TANC1: variants seen among roughly 807,000 people sequenced by gnomAD.
TANC1 encodes protein TANC1.
TANC1 carries 77 observed loss-of-function variants against 149.7 expected under a neutral mutation model. That is an observed-to-expected ratio of 0.51 (90% CI 0.43 to 0.62). The LOEUF is 0.62. TANC1 is among the 20% of genes least tolerant of loss of function. TANC1 has a pLI of 0.00. For missense variants in TANC1, 1,985 were observed against 2,321.8 expected (o/e 0.85, Z 2.98); for synonymous variants, 854 against 925.0 (o/e 0.92, Z 1.39).
At chr2:158,989,961 G>T (rs1336483002) in intron 1 of TANC1, among the ~76,000 whole-genome samples, 7 of 151,756 alleles carry the variant, frequency 4.6e-5, no homozygotes, top group Non-Finnish European at 2.9e-5. Context: ...TGTCACAGGG[G>T]CTGGTGTGCA....
chr2:159,211,901 G>A (rs1559467395), intron 19 of TANC1, among the ~76,000 whole-genome samples: 1 of 152,226 alleles, frequency 6.6e-6, no homozygotes. Context: ...CATAGCAAGG[G>A]TTGTGAAGGA....
chr2:158,976,877 T>C (rs968838838), intron 1 of TANC1, among the ~76,000 whole-genome samples: 32 of 152,222 alleles, frequency 2.1e-4, no homozygotes, highest in African/African-American at 7.7e-4. Flanking sequence ...TGAGACTCCG[T>C]CTTGAAAAAC....
chr2:159,039,390 C>T (rs1428736415), intron 2 of TANC1, among the ~76,000 whole-genome samples: 2 of 152,092 alleles, frequency 1.3e-5, no homozygotes, highest in African/African-American at 4.8e-5. Context: ...TTGCCTTCTG[C>T]TAGCTTTTGA....
intron 1 of TANC1, among the ~76,000 whole-genome samples, chr2:158,970,289 A>C (rs1405097792): frequency 6.6e-6 from 1 of 152,082 alleles, no homozygotes; most frequent in Non-Finnish European, 1.5e-5. Flanking sequence ...GGTCATCTTT[A>C]TTCCTGCCAG....
At chr2:159,068,604 G>A (rs1574446235) in intron 3 of TANC1, among the ~76,000 whole-genome samples, 1 of 152,226 alleles carries the variant, frequency 6.6e-6, no homozygotes, top group East Asian at 1.9e-4. Flanking sequence ...GCGTTGAACA[G>A]TTGTTATTCC....
chr2:159,124,463 G>C (rs1284667007), intron 4 of TANC1, among the ~76,000 whole-genome samples: 1 of 152,170 alleles, frequency 6.6e-6, no homozygotes, highest in African/African-American at 2.4e-5. Flanking sequence ...CCAGGGGCTG[G>C]TCTGAACCCA....
rs540931669 is a variant in TANC1, at chr2:158,982,817, A to T, written c.-126+14035A>T. Among the ~76,000 whole-genome samples the T allele has an allele frequency of 5.9e-5, 9 of 152,110 alleles. No individual in the cohort carries two copies. In the South Asian group the frequency reaches 1.9e-3, roughly 32 times the overall value. Reference sequence around the variant, plus strand: ...TTTTATTTTTTTCTGTAGAGATAGGATCTGCTATGTCACCCAGGCTGGTCT... The same window carrying T: ...TTTTATTTTTTTCTGTAGAGATAGGTTCTGCTATGTCACCCAGGCTGGTCT... On this transcript the variant is annotated intron_variant, in intron 1 of 26. Coordinates refer to ENST00000263635, the MANE Select transcript of TANC1 (RefSeq NM_033394.3).
Position 159,150,460 on chromosome 2 carries a change from A to G in TANC1, c.586A>G (p.Asn196Asp). ...PSTDSPCSTL[N>D]SCVSKTAANK... is the part of the protein sequence containing the mutation. ...CACCGATAGCCCCTGCTCAACCTTGAATAGCTGTGTCAGCAAGACGGCAGC... is the reference window on the plus strand; with the variant it reads ...CACCGATAGCCCCTGCTCAACCTTGGATAGCTGTGTCAGCAAGACGGCAGC... Residue 196 changes from asparagine to aspartate, a missense_variant, in exon 7 of 27, where the codon AAT becomes GAT. Around this residue, in one of 3 missense-constraint regions of TANC1, gnomAD observed 557 missense variants for 612.9 expected, o/e 0.91. Coordinates refer to ENST00000263635, the MANE Select transcript of TANC1 (RefSeq NM_033394.3). 6.2e-7 allele frequency: 1 copy of G among 1,614,190 alleles called. No individual in the cohort carries two copies. Among genetic ancestry groups the G allele is most frequent in the Non-Finnish European group, 8.5e-7 (1 of 1,180,034 alleles).
chr2:159,070,626 A>C (rs900923404), intron 3 of TANC1, among the ~76,000 whole-genome samples: 8 of 152,336 alleles, frequency 5.3e-5, no homozygotes, highest in Middle Eastern at 3.4e-3. Context: ...AATCAAGGAC[A>C]ATTTGAAAAT....
At chr2:159,136,049 T>TGTGTGTGTGTGA in intron 4 of TANC1, 145 bp from the exon 5 acceptor site, 1 of 90,880 alleles carries the variant, frequency 1.1e-5, no homozygotes, top group African/African-American at 8.4e-5. Flanking sequence ...TGTGTGTGTG[T>TGTGTGTGTGTGA]GCGCGCGCGC....
At chr2:159,162,981 A>G (rs1253561810) in intron 7 of TANC1, among the ~76,000 whole-genome samples, 1 of 152,230 alleles carries the variant, frequency 6.6e-6, no homozygotes, top group Non-Finnish European at 1.5e-5. Flanking sequence ...AGGATACATT[A>G]TCTCCAGGTT....
At chr2:159,219,465 T>C in intron 21 of TANC1, 104 bp downstream of exon 21, 1 of 1,529,928 alleles carries the variant, frequency 6.5e-7, no homozygotes, top group African/African-American at 1.4e-5. Flanking sequence ...TTTCTGTTAA[T>C]GGAAATTTTC....
intron 1 of TANC1, among the ~76,000 whole-genome samples, chr2:158,996,732 C>T (rs1347130498): frequency 3.3e-5 from 5 of 152,180 alleles, no homozygotes; most frequent in East Asian, 1.9e-4. Context: ...TAATTTACTT[C>T]GTGGTCCAGA....
At chr2:159,208,748 A>G (rs556234525) in intron 19 of TANC1, among the ~76,000 whole-genome samples, 1 of 152,316 alleles carries the variant, frequency 6.6e-6, no homozygotes, top group South Asian at 2.1e-4. Context: ...ATGGGAAACA[A>G]TAAGGAAGGT....
intron 3 of TANC1, among the ~76,000 whole-genome samples, chr2:159,080,827 A>G (rs944641286): frequency 2.6e-5 from 4 of 152,074 alleles, no homozygotes; most frequent in Non-Finnish European, 5.9e-5. Flanking sequence ...TGGGTTTCTG[A>G]TGCCTTCCGT....
At chr2:159,119,216 A>T (rs1279308915) in intron 4 of TANC1, among the ~76,000 whole-genome samples, 2 of 152,324 alleles carry the variant, frequency 1.3e-5, no homozygotes, top group South Asian at 2.1e-4. Context: ...CCTATGTAGG[A>T]AGTAGCCAGG....
chr2:159,128,083 C>T lies in TANC1; in HGVS notation c.260-8111C>T, dbSNP rs2049666887. 4.6e-5 allele frequency among the ~76,000 whole-genome samples: 7 copies of T among 152,210 alleles called. No individual in the cohort carries two copies. In the South Asian group the frequency reaches 1.4e-3, roughly 31 times the overall value. The stretch of plus-strand genomic sequence containing the variant: ...ACTTTTGTGTTTTCTTCACTATCAG[C>T]AGGTGACACACTTTTTTGTCTTCTG... On this transcript the variant is annotated intron_variant, in intron 4 of 26. Coordinates refer to ENST00000263635, the MANE Select transcript of TANC1 (RefSeq NM_033394.3).
chr2:159,076,551 G>A (rs778130354), intron 3 of TANC1, among the ~76,000 whole-genome samples: 11 of 152,138 alleles, frequency 7.2e-5, no homozygotes, highest in Non-Finnish European at 1.6e-4. Flanking sequence ...CAGTAGATGG[G>A]GATAGTTCCA....
chr2:159,071,984 GT>G (rs1438616720), intron 3 of TANC1, among the ~76,000 whole-genome samples: 2 of 152,006 alleles, frequency 1.3e-5, no homozygotes. Context: ...TTTTTGTTTT[GT>G]TTTTTGTTTT....
Sources: allele counts gnomAD v4.1 joint callset (sites outside exome capture counted in the v4.1 genomes callset), GRCh38; gene constraint gnomAD v4.1.1; regional missense constraint gnomAD v4.1.1; transcripts MANE v1.5; gene names NCBI Gene and HGNC (gene_info 2026-07-23, HGNC 2026-07-21).